The following NEBL variants were observed in gnomAD, a reference collection of about 807,000 sequenced individuals.
The protein encoded by NEBL is LIM and SH3 protein 2.
Under a neutral mutation model 140.2 loss-of-function variants are expected in NEBL, and 122 were observed. The observed-to-expected ratio is 0.87, with a 90% CI of 0.75 to 1.01. The LOEUF is 1.01. NEBL is among the 50% of genes least tolerant of loss of function. The pLI, the probability that NEBL is intolerant of heterozygous loss-of-function variation, is 0.00. For synonymous variants in NEBL, 436 were observed against 398.9 expected (o/e 1.09, Z -1.11); for missense variants, 1,365 against 1,231.3 (o/e 1.11, Z -1.62).
chr10:21,113,082 G>GAGAATA (rs1183676778), intron 2 of NEBL: 1 of 225,716 alleles, frequency 4.4e-6, no homozygotes, highest in Admixed American at 5.6e-5. Context: ...GAAAGAGAAG[G>GAGAATA]AGAATAAGAA....
At chr10:20,918,555 T>C (rs1833420355) in intron 4 of NEBL, among the ~76,000 whole-genome samples, 2 of 151,666 alleles carry the variant, frequency 1.3e-5, no homozygotes, top group Admixed American at 1.3e-4. Flanking sequence ...ACATAATAAA[T>C]GCATAATATT....
At chr10:20,835,274 A>C (rs766473660) in intron 14 of NEBL, among the ~76,000 whole-genome samples, 2 of 152,190 alleles carry the variant, frequency 1.3e-5, no homozygotes, top group Non-Finnish European at 1.5e-5. Flanking sequence ...GCATGTGTGC[A>C]TGTGTGTCTG....
intron 4 of NEBL, among the ~76,000 whole-genome samples, chr10:20,936,640 A>G (rs1834503208): frequency 6.6e-6 from 1 of 152,226 alleles, no homozygotes; most frequent in South Asian, 2.1e-4. Flanking sequence ...AAAAAGCAGA[A>G]GGCCAGCTGC....
At chr10:21,256,240 G>A (rs1842658615) in intron 1 of NEBL, among the ~76,000 whole-genome samples, 2 of 151,938 alleles carry the variant, frequency 1.3e-5, no homozygotes, top group South Asian at 4.2e-4. Context: ...GCTAATTTTT[G>A]TATTTTTAGT....
chr10:21,075,190 G>A (rs1836007880), intron 2 of NEBL, among the ~76,000 whole-genome samples: 2 of 152,226 alleles, frequency 1.3e-5, no homozygotes, highest in Admixed American at 1.3e-4. Flanking sequence ...AACAAGAATG[G>A]CAAACCCACG....
chr10:21,284,889 T>C (rs1190923768), intron 1 of NEBL, among the ~76,000 whole-genome samples: 2 of 152,194 alleles, frequency 1.3e-5, no homozygotes, highest in Admixed American at 1.3e-4. Flanking sequence ...GTGAACTGAT[T>C]GTGCATTTTG....
At chr10:21,049,889 T>C (rs1356497802) in intron 2 of NEBL, among the ~76,000 whole-genome samples, 1 of 152,158 alleles carries the variant, frequency 6.6e-6, no homozygotes, top group African/African-American at 2.4e-5. Context: ...TACTTCTTAT[T>C]GGTATAAAAC....
chr10:20,952,270 C>CT (rs1247938712), intron 4 of NEBL, among the ~76,000 whole-genome samples: 5 of 151,944 alleles, frequency 3.3e-5, no homozygotes, highest in African/African-American at 9.7e-5. Flanking sequence ...AACCCCGTCT[C>CT]TACTAAAAAT....
chr10:20,793,234 G>A (rs918007203), intron 26 of NEBL: 2 of 540,334 alleles, frequency 3.7e-6, no homozygotes, highest in Non-Finnish European at 4.7e-6. Context: ...CTATAATTGA[G>A]TTAAAACCAC....
At chr10:21,288,863 T>C (rs1466003279) in intron 1 of NEBL, among the ~76,000 whole-genome samples, 4 of 118,312 alleles carry the variant, frequency 3.4e-5, no homozygotes, top group Non-Finnish European at 7.1e-5. Context: ...AATTTTTTTT[T>C]TTTGAGACGG....
At chr10:21,139,076 C>T (rs1457738628) in intron 2 of NEBL, among the ~76,000 whole-genome samples, 5 of 152,092 alleles carry the variant, frequency 3.3e-5, no homozygotes, top group African/African-American at 4.8e-5. Flanking sequence ...AAAGAGAACA[C>T]GCTCAGTCAT....
rs78855800 is a variant in NEBL at position 20,825,984 on chromosome 10, T to C, written c.1869+463A>G. Among the ~76,000 whole-genome samples the C allele has an allele frequency of 9.0e-3, 1,374 of 152,256 alleles. 38 individuals carry two copies. Among genetic ancestry groups the C allele is most frequent in the East Asian group, 0.086 (443 of 5,174 alleles). On this transcript the variant is annotated intron_variant, in intron 18 of 27. Transcript: ENST00000377122. ...GCGTGTCTGATAAAAAGCTTAGAGA[T>C]GTGACTGACATCGGTTAAAAATGAA...
intron 2 of NEBL, among the ~76,000 whole-genome samples, chr10:21,084,065 T>C (rs1424122324): frequency 1.3e-5 from 2 of 152,214 alleles, no homozygotes; most frequent in Admixed American, 1.3e-4. Flanking sequence ...TTCCCAAGTA[T>C]TTGGGTAGCA....
At chr10:21,229,552 T>C (rs1842217850) in intron 3 of NEBL, among the ~76,000 whole-genome samples, 1 of 152,260 alleles carries the variant, frequency 6.6e-6, no homozygotes, top group Non-Finnish European at 1.5e-5. Flanking sequence ...GTCTTACGAC[T>C]GTCTACCATG....
intron 3 of NEBL, among the ~76,000 whole-genome samples, chr10:21,211,669 G>A (rs565849732): frequency 5.9e-5 from 9 of 152,202 alleles, no homozygotes; most frequent in East Asian, 3.9e-4. Context: ...ACCCAGTTAC[G>A]TCAACTTCAA....
intron 4 of NEBL, among the ~76,000 whole-genome samples, chr10:20,950,262 C>A (rs919021529): frequency 1.3e-5 from 2 of 152,180 alleles, no homozygotes; most frequent in Non-Finnish European, 2.9e-5. Flanking sequence ...TTTGTTAAGT[C>A]AATAATTAAG....
upstream of NEBL, among the ~76,000 whole-genome samples, chr10:20,902,181 A>G (rs1467923636): frequency 6.6e-6 from 1 of 152,038 alleles, no homozygotes; most frequent in African/African-American, 2.4e-5. Flanking sequence ...AGACAGGCGG[A>G]TCATGAGGTC....
intron 3 of NEBL, among the ~76,000 whole-genome samples, chr10:20,981,976 G>C (rs940316920): frequency 6.6e-6 from 1 of 152,092 alleles, no homozygotes; most frequent in Non-Finnish European, 1.5e-5. Context: ...ATTCCTAACT[G>C]ATACACTCAT....
chr10:21,013,735 A>T, intron 3 of NEBL, among the ~76,000 whole-genome samples: 1 of 152,202 alleles, frequency 6.6e-6, no homozygotes, highest in African/African-American at 2.4e-5. Flanking sequence ...AAAATTAGCT[A>T]GGCGTAGTGG....
Sources: allele counts gnomAD v4.1 joint callset (sites outside exome capture counted in the v4.1 genomes callset), GRCh38; gene constraint gnomAD v4.1.1; transcripts MANE v1.5; gene names NCBI Gene and HGNC (gene_info 2026-07-23, HGNC 2026-07-21).